Variants in ZNF804B observed in about 807,000 individuals in gnomAD.
ZNF804B encodes the protein zinc finger protein 804B.
In ZNF804B, 80 loss-of-function variants were observed where a neutral mutation model predicts 101.4. The observed-to-expected ratio is 0.79, with a 90% CI of 0.66 to 0.95. The LOEUF (loss-of-function observed/expected upper bound fraction) is 0.95, where lower values mean the gene tolerates loss of function less well. Among genes scored for constraint, ZNF804B ranks in the 40% least tolerant of loss-of-function variants. The pLI is 0.00. For synonymous variants in ZNF804B, 622 were observed against 558.8 expected (o/e 1.11, Z -1.59); for missense variants, 1,673 against 1,561.9 (o/e 1.07, Z -1.20).
In ZNF804B at chr7:89,336,511, C is replaced by T. The variant is rs1466397200; in HGVS notation, c.3529C>T (p.His1177Tyr). 6.2e-7 allele frequency: 1 copy of T among 1,614,006 alleles called. No homozygotes were observed. The highest frequency in any genetic ancestry group is 8.5e-7 in the Non-Finnish European group (1 of 1,180,022). ...QHMQKQLLSK[H>Y]LRVLPAAGPT... Reference sequence around the variant, plus strand: ...TATGCAGAAGCAACTCCTATCAAAGCATCTTCGAGTTTTGCCTGCTGCAGG... The same window carrying T: ...TATGCAGAAGCAACTCCTATCAAAGTATCTTCGAGTTTTGCCTGCTGCAGG... The change falls in exon 4 of 4, where the codon CAT becomes TAT. Residue 1177 changes from histidine to tyrosine, a missense_variant. Coordinates refer to ENST00000333190, the MANE Select transcript of ZNF804B (RefSeq NM_181646.5).
At chr7:88,877,355 G>T (rs1325386529) in intron 1 of ZNF804B, among the ~76,000 whole-genome samples, 1 of 151,510 alleles carries the variant, frequency 6.6e-6, no homozygotes, top group Non-Finnish European at 1.5e-5. Flanking sequence ...TGAATTTGTA[G>T]GTATATGTAG....
At chr7:88,857,412 A>G (rs1196100474) in intron 1 of ZNF804B, among the ~76,000 whole-genome samples, 1 of 152,180 alleles carries the variant, frequency 6.6e-6, no homozygotes, top group Non-Finnish European at 1.5e-5. Context: ...TAGATGCAAT[A>G]AAAAATGATA....
At chr7:89,050,363 T>C (rs1789180699) in intron 1 of ZNF804B, among the ~76,000 whole-genome samples, 1 of 152,196 alleles carries the variant, frequency 6.6e-6, no homozygotes. Flanking sequence ...AATATTCATG[T>C]GGTCTAAAAT....
At chr7:88,982,198 C>T (rs1159501627) in intron 1 of ZNF804B, among the ~76,000 whole-genome samples, 5 of 152,036 alleles carry the variant, frequency 3.3e-5, no homozygotes, top group Admixed American at 2.6e-4. Flanking sequence ...TACCAGCCAG[C>T]GGTCTTCTAT....
At chr7:88,878,259 G>T (rs1350117619) in intron 1 of ZNF804B, among the ~76,000 whole-genome samples, 4 of 152,042 alleles carry the variant, frequency 2.6e-5, no homozygotes, top group African/African-American at 9.7e-5. Flanking sequence ...ATTCAACTCA[G>T]ATTTAAAACC....
chr7:89,190,008 TAGAA>T (rs1788429421), intron 1 of ZNF804B, among the ~76,000 whole-genome samples: 2 of 152,080 alleles, frequency 1.3e-5, no homozygotes, highest in African/African-American at 4.8e-5. Flanking sequence ...TCATGTTTCA[TAGAA>T]AGAGGTTGAA....
intron 1 of ZNF804B, among the ~76,000 whole-genome samples, chr7:89,089,288 A>G (rs1399119842): frequency 6.6e-6 from 1 of 151,938 alleles, no homozygotes; most frequent in Non-Finnish European, 1.5e-5. Flanking sequence ...ACAAGACATA[A>G]TACTTCATTA....
chr7:89,044,186 G>A (rs1409421563), intron 1 of ZNF804B, among the ~76,000 whole-genome samples: 1 of 152,074 alleles, frequency 6.6e-6, no homozygotes, highest in Non-Finnish European at 1.5e-5. Context: ...GAGATCTGAT[G>A]GTTTTATAAA....
chr7:89,168,050 A>T (rs921423940), intron 1 of ZNF804B, among the ~76,000 whole-genome samples: 2 of 152,138 alleles, frequency 1.3e-5, no homozygotes, highest in Non-Finnish European at 2.9e-5. Flanking sequence ...TTTCTATTCA[A>T]TGAAATGATT....
At chr7:89,156,299 G>A (rs1357774096) in intron 1 of ZNF804B, among the ~76,000 whole-genome samples, 1 of 151,904 alleles carries the variant, frequency 6.6e-6, no homozygotes, top group Non-Finnish European at 1.5e-5. Flanking sequence ...ATTTTTAGTA[G>A]AGACGGGGTT....
At chr7:89,251,354 C>T (rs535980186) in intron 2 of ZNF804B, among the ~76,000 whole-genome samples, 1 of 151,860 alleles carries the variant, frequency 6.6e-6, no homozygotes, top group African/African-American at 2.4e-5. Flanking sequence ...AGCCACAAAA[C>T]AAAAAACAAA....
At chr7:89,150,013 T>A (rs1790848859) in intron 1 of ZNF804B, among the ~76,000 whole-genome samples, 1 of 152,026 alleles carries the variant, frequency 6.6e-6, no homozygotes, top group South Asian at 2.1e-4. Flanking sequence ...TTACTTGCAG[T>A]CAACCTTGAT....
chr7:89,142,407 T>C (rs1790730742), intron 1 of ZNF804B, among the ~76,000 whole-genome samples: 2 of 152,004 alleles, frequency 1.3e-5, no homozygotes, highest in Non-Finnish European at 2.9e-5. Context: ...ATCCAGAAAG[T>C]CAACAAACAA....
At chr7:89,194,856 A>G (rs1212833420) in intron 1 of ZNF804B, among the ~76,000 whole-genome samples, 2 of 151,920 alleles carry the variant, frequency 1.3e-5, no homozygotes, top group Admixed American at 1.3e-4. Flanking sequence ...GAAGAAAGTC[A>G]TTGGTTGCTT....
At chr7:88,939,756 T>C (rs2084795533) in intron 1 of ZNF804B, among the ~76,000 whole-genome samples, 1 of 151,648 alleles carries the variant, frequency 6.6e-6, no homozygotes. Flanking sequence ...GTTAAAGCTG[T>C]AGTGATCTAA....
chr7:89,014,821 A>G (rs1788518832), intron 1 of ZNF804B, among the ~76,000 whole-genome samples: 1 of 151,674 alleles, frequency 6.6e-6, no homozygotes, highest in African/African-American at 2.4e-5. Context: ...CACTCTGTTA[A>G]TTGTTTGCTT....
chr7:89,152,266 T>G (rs140795737), intron 1 of ZNF804B, among the ~76,000 whole-genome samples: 2 of 149,120 alleles, frequency 1.3e-5, no homozygotes, highest in Non-Finnish European at 3.0e-5. Context: ...TTTTTTTTTG[T>G]ATTTGTATAC....
At chr7:89,227,924 G>A (rs1290920585) in intron 2 of ZNF804B, among the ~76,000 whole-genome samples, 2 of 152,140 alleles carry the variant, frequency 1.3e-5, no homozygotes, top group African/African-American at 4.8e-5. Context: ...TTATTTCTTT[G>A]ATAATATCTT....
At chr7:89,023,356 A>T (rs765280747) in intron 1 of ZNF804B, among the ~76,000 whole-genome samples, 1 of 152,198 alleles carries the variant, frequency 6.6e-6, no homozygotes, top group Admixed American at 6.5e-5. Context: ...CAATAGATGA[A>T]TTCATTTACT....
Sources: gnomAD v4.1 joint callset for allele counts (sites outside exome capture counted in the v4.1 genomes callset) on GRCh38, gnomAD v4.1.1 for gene constraint, MANE v1.5 for transcripts, NCBI Gene and HGNC (gene_info 2026-07-23, HGNC 2026-07-21) for gene names.